The following C8orf34 variants were observed in gnomAD, a reference collection of about 807,000 sequenced individuals.
The protein encoded by C8orf34 is uncharacterized protein C8orf34.
A neutral mutation model predicts 68.3 loss-of-function variants in C8orf34; 65 were observed. The observed-to-expected ratio is 0.95, with a 90% CI of 0.78 to 1.17. C8orf34 has a LOEUF of 1.17. Among genes scored for constraint, C8orf34 ranks in the 50% most tolerant of loss-of-function variants. The probability of loss-of-function intolerance (pLI) is 0.00; values close to 1 mark genes in which losing one functional copy is unlikely to be tolerated. For synonymous variants in C8orf34, 244 were observed against 241.2 expected (o/e 1.01, Z -0.11); for missense variants, 664 against 655.4 (o/e 1.01, Z -0.14).
intron 2 of C8orf34, among the ~76,000 whole-genome samples, chr8:68,441,036 C>A (rs540147189): frequency 1.3e-5 from 2 of 152,134 alleles, no homozygotes; most frequent in African/African-American, 4.8e-5. Context: ...GATCTCCTGA[C>A]CTCGTGATCC....
intron 1 of C8orf34, among the ~76,000 whole-genome samples, chr8:68,346,356 A>G (rs1585955975): frequency 6.7e-6 from 1 of 149,882 alleles, no homozygotes; most frequent in Non-Finnish European, 1.5e-5. Context: ...CTCATATGCC[A>G]CCTGCCCCAT....
chr8:68,600,898 C>A (rs1041967755), intron 7 of C8orf34, among the ~76,000 whole-genome samples: 1 of 152,136 alleles, frequency 6.6e-6, no homozygotes, highest in Non-Finnish European at 1.5e-5. Context: ...CATTCACCAA[C>A]CTGTGAATTC....
At chr8:68,798,296 T>C (rs180909555) in intron 12 of C8orf34, among the ~76,000 whole-genome samples, 6,202 of 150,008 alleles carry the variant, frequency 0.041, 164 homozygotes, top group Non-Finnish European at 0.062. Flanking sequence ...GGCTTTTTTT[T>C]TTTTTTTTTT....
At chr8:68,760,852 C>G (rs1158540174) in intron 10 of C8orf34, among the ~76,000 whole-genome samples, 1 of 152,034 alleles carries the variant, frequency 6.6e-6, no homozygotes, top group Non-Finnish European at 1.5e-5. Flanking sequence ...TTTAAATCAG[C>G]CTCTATCACT....
intron 5 of C8orf34, among the ~76,000 whole-genome samples, chr8:68,491,242 CTTTT>C (rs752073548): frequency 7.8e-4 from 112 of 142,714 alleles, no homozygotes; most frequent in Non-Finnish European, 1.6e-3. Context: ...ATTTTTTAAG[CTTTT>C]TTTTTTTTAA....
At chr8:68,356,057 T>C (rs1806731479) in intron 1 of C8orf34, among the ~76,000 whole-genome samples, 3 of 152,170 alleles carry the variant, frequency 2.0e-5, no homozygotes, top group Admixed American at 6.6e-5. Context: ...TGCCAGTCTT[T>C]TAAATTGCTT....
intron 8 of C8orf34, among the ~76,000 whole-genome samples, chr8:68,665,206 C>T (rs1220063141): frequency 6.6e-6 from 1 of 152,076 alleles, no homozygotes; most frequent in Non-Finnish European, 1.5e-5. Flanking sequence ...AGTATGTCTT[C>T]ATAGATCAAT....
intron 6 of C8orf34, among the ~76,000 whole-genome samples, chr8:68,524,281 C>A (rs954929302): frequency 2.6e-5 from 4 of 152,108 alleles, no homozygotes; most frequent in African/African-American, 9.7e-5. Flanking sequence ...TAGAAGCTTA[C>A]CCCCTTTTTT....
chr8:68,709,024 AG>A lies in C8orf34; in HGVS notation c.1273del (p.Glu425LysfsTer28), dbSNP rs750427340. 2 of 1,605,454 alleles carry A rather than the reference AG, an allele frequency of 1.2e-6. No individual in the cohort carries two copies. The highest frequency in any genetic ancestry group is 1.7e-6 in the Non-Finnish European group (2 of 1,177,796). On this transcript the variant is annotated frameshift_variant, in exon 9 of 14. Transcript: ENST00000518698. LOFTEE classifies it high-confidence loss of function. The stretch of plus-strand genomic sequence containing the variant: ...AAGGAGACAACCTGGAAGAAAGGAC[AG>A]AAGAGTCACTACCAATACTCCATTC... ...LQGDNLEERT[E>X]ESLPILHSPD... is the part of the protein sequence containing the mutation.
intron 7 of C8orf34, among the ~76,000 whole-genome samples, chr8:68,594,104 T>C (rs1342418840): frequency 6.6e-6 from 1 of 152,068 alleles, no homozygotes; most frequent in Non-Finnish European, 1.5e-5. Context: ...TTAGTGAAAG[T>C]CTTGTGGTCT....
intron 10 of C8orf34, among the ~76,000 whole-genome samples, chr8:68,732,320 G>C (rs918144918): frequency 6.6e-6 from 1 of 152,070 alleles, no homozygotes; most frequent in Non-Finnish European, 1.5e-5. Context: ...TCATCATATT[G>C]ATAAATATAA....
chr8:68,420,002 A>C (rs1160299174), intron 1 of C8orf34, among the ~76,000 whole-genome samples: 1 of 150,260 alleles, frequency 6.7e-6, no homozygotes, highest in Admixed American at 6.6e-5. Context: ...AAGAAAAAAG[A>C]CAAAAAAAAA....
intron 4 of C8orf34, among the ~76,000 whole-genome samples, chr8:68,482,273 G>A (rs1812891738): frequency 6.6e-6 from 1 of 152,116 alleles, no homozygotes; most frequent in South Asian, 2.1e-4. Flanking sequence ...GTGTGGAACT[G>A]TAAGTCCAAT....
At chr8:68,462,814 C>A (rs1393516582) in intron 3 of C8orf34, among the ~76,000 whole-genome samples, 3 of 151,954 alleles carry the variant, frequency 2.0e-5, no homozygotes, top group Non-Finnish European at 4.4e-5. Context: ...AAATGTATAA[C>A]ACTAAATGCC....
At chr8:68,407,494 T>C (rs987538022) in intron 1 of C8orf34, among the ~76,000 whole-genome samples, 1 of 152,198 alleles carries the variant, frequency 6.6e-6, no homozygotes, top group South Asian at 2.1e-4. Context: ...GTAGCATTTT[T>C]CCCCTCTGAA....
intron 7 of C8orf34, among the ~76,000 whole-genome samples, chr8:68,562,017 T>G (rs1397822887): frequency 1.3e-5 from 2 of 152,166 alleles, no homozygotes; most frequent in Non-Finnish European, 2.9e-5. Flanking sequence ...GCTCTAGAAT[T>G]ATAATAAAAA....
At chr8:68,439,367 A>G in intron 1 of C8orf34, 132 bp from the exon 2 acceptor site, 3 of 698,878 alleles carry the variant, frequency 4.3e-6, no homozygotes, top group South Asian at 4.8e-5. Flanking sequence ...AAAGATTGTT[A>G]TAAGCATGGA....
chr8:68,642,669 A>T (rs925840648), intron 8 of C8orf34, among the ~76,000 whole-genome samples: 1 of 152,160 alleles, frequency 6.6e-6, no homozygotes, highest in East Asian at 1.9e-4. Flanking sequence ...GAACTTAGAA[A>T]ATGTGACTAT....
intron 1 of C8orf34, among the ~76,000 whole-genome samples, chr8:68,435,950 A>G (rs1810647776): frequency 6.6e-6 from 1 of 152,170 alleles, no homozygotes; most frequent in Non-Finnish European, 1.5e-5. Context: ...GCTCACGCCT[A>G]TAATCACAGC....
Sources: allele counts gnomAD v4.1 joint callset (sites outside exome capture counted in the v4.1 genomes callset), GRCh38; gene constraint gnomAD v4.1.1; transcripts MANE v1.5; gene names NCBI Gene and HGNC (gene_info 2026-07-23, HGNC 2026-07-21).